Variants in PDK1 observed in about 807,000 individuals in gnomAD.
PDK1 encodes pyruvate dehydrogenase kinase 1, also known as [Pyruvate dehydrogenase (acetyl-transferring)] kinase isozyme 1, mitochondrial.
Under a neutral mutation model 54.2 loss-of-function variants are expected in PDK1, and 39 were observed. The ratio of observed to expected loss-of-function variants is 0.72; its 90% CI spans 0.56 to 0.94. The LOEUF (loss-of-function observed/expected upper bound fraction) is 0.94, where lower values mean the gene tolerates loss of function less well. PDK1 is among the 40% of genes least tolerant of loss of function. PDK1 has a pLI of 0.00. For missense variants in PDK1, 552 were observed against 566.0 expected (o/e 0.98, Z 0.25); for synonymous variants, 221 against 207.1 (o/e 1.07, Z -0.58).
the PDK1 span, among the ~76,000 whole-genome samples, chr2:172,646,658 T>C: frequency 3.3e-5 from 5 of 151,458 alleles, no homozygotes; most frequent in African/African-American, 1.2e-4. Context: ...CCTGAAGAGC[T>C]CATTAAAATG....
intron 8 of PDK1, among the ~76,000 whole-genome samples, chr2:172,579,530 T>TTC (rs1346225844): frequency 1.0e-4 from 15 of 150,100 alleles, no homozygotes; most frequent in African/African-American, 3.4e-4. Flanking sequence ...TCTTTCTTTT[T>TTC]TTTTTTTTTT....
chr2:172,563,298 G>A (rs1360826129), intron 3 of PDK1, among the ~76,000 whole-genome samples: 1 of 152,130 alleles, frequency 6.6e-6, no homozygotes, highest in Non-Finnish European at 1.5e-5. Context: ...AATAATAAAG[G>A]AGTGACTAGA....
At chr2:172,707,370 A>G in the PDK1 span, among the ~76,000 whole-genome samples, 1 of 152,086 alleles carries the variant, frequency 6.6e-6, no homozygotes, top group Admixed American at 6.6e-5. Context: ...CGGGAGTGGG[A>G]CCACAGTTTG....
chr2:172,560,997 C>T (rs1376061698), intron 2 of PDK1, among the ~76,000 whole-genome samples: 2 of 151,982 alleles, frequency 1.3e-5, no homozygotes, highest in Non-Finnish European at 2.9e-5. Flanking sequence ...TTGATCTAAT[C>T]GCAATTTAAA....
At chr2:172,574,217 C>T (rs974552612) in intron 8 of PDK1, among the ~76,000 whole-genome samples, 3 of 152,178 alleles carry the variant, frequency 2.0e-5, no homozygotes, top group African/African-American at 7.2e-5. Flanking sequence ...CCCTGTCACC[C>T]TTGTCAAAAA....
chr2:172,716,727 T>C, the PDK1 span, among the ~76,000 whole-genome samples: 1 of 152,246 alleles, frequency 6.6e-6, no homozygotes, highest in East Asian at 1.9e-4. Flanking sequence ...GATTTACTTC[T>C]ACCTGTGATA....
At chr2:172,700,373 G>C in the PDK1 span, among the ~76,000 whole-genome samples, 7,586 of 119,462 alleles carry the variant, frequency 0.064, 26 homozygotes, top group African/African-American at 0.12. Flanking sequence ...GGGTGGCGGC[G>C]GGGCAGAGAC....
chr2:172,580,234 A>G (rs1009811065), intron 8 of PDK1, among the ~76,000 whole-genome samples: 2 of 106,746 alleles, frequency 1.9e-5, no homozygotes, highest in Non-Finnish European at 3.6e-5. Context: ...ATATGAATGT[A>G]TCACTTTTTT....
At chr2:172,627,779 A>G in the PDK1 span, among the ~76,000 whole-genome samples, 3 of 152,228 alleles carry the variant, frequency 2.0e-5, no homozygotes, top group African/African-American at 4.8e-5. Flanking sequence ...TGGTTCCCCT[A>G]TACAAACCAA....
intron 8 of PDK1, among the ~76,000 whole-genome samples, chr2:172,579,279 C>T (rs966613707): frequency 6.6e-6 from 1 of 152,020 alleles, no homozygotes; most frequent in Non-Finnish European, 1.5e-5. Flanking sequence ...CTGGGGAGCT[C>T]AGAGTCAGGT....
At chr2:172,634,855 T>C in the PDK1 span, among the ~76,000 whole-genome samples, 1,721 of 152,298 alleles carry the variant, frequency 0.011, 31 homozygotes, top group African/African-American at 0.038. Context: ...ACTTTACCCT[T>C]TTTATATGAA....
intron 3 of PDK1, chr2:172,562,825 A>G (rs567441914): frequency 6.2e-7 from 1 of 1,607,508 alleles, no homozygotes; most frequent in African/African-American, 1.3e-5. Flanking sequence ...AATGTTAATA[A>G]CCCATATACC....
chr2:172,575,076 A>T (rs1689504218), intron 8 of PDK1, among the ~76,000 whole-genome samples: 1 of 152,176 alleles, frequency 6.6e-6, no homozygotes, highest in African/African-American at 2.4e-5. Context: ...TCATGAAAGG[A>T]TGTTCAATTT....
the PDK1 span, among the ~76,000 whole-genome samples, chr2:172,657,010 G>A: frequency 2.6e-5 from 4 of 152,062 alleles, no homozygotes. Flanking sequence ...GTCAATTACA[G>A]TTTGTGTTCC....
the PDK1 span, among the ~76,000 whole-genome samples, chr2:172,618,859 C>T: frequency 6.6e-6 from 1 of 152,110 alleles, no homozygotes; most frequent in Non-Finnish European, 1.5e-5. Flanking sequence ...AGAGTTGTCC[C>T]ACATTGAGGC....
At chr2:172,685,704 C>T in the PDK1 span, among the ~76,000 whole-genome samples, 1 of 152,204 alleles carries the variant, frequency 6.6e-6, no homozygotes, top group African/African-American at 2.4e-5. Flanking sequence ...ATAAATGCAC[C>T]CGATACATGT....
At chr2:172,651,650 C>T in the PDK1 span, among the ~76,000 whole-genome samples, 2 of 152,180 alleles carry the variant, frequency 1.3e-5, no homozygotes, top group African/African-American at 4.8e-5. Flanking sequence ...CCGCTGATCC[C>T]ACAGAAATAC....
chr2:172,594,855 T>A (rs1187048969), intron 10 of PDK1, among the ~76,000 whole-genome samples: 2 of 152,170 alleles, frequency 1.3e-5, no homozygotes. Context: ...CAGGTTCCAG[T>A]GACTTATAGG....
At chr2:172,622,127 CTCATATTATGTGAGATATGTTTATA>C in the PDK1 span, among the ~76,000 whole-genome samples, 174 of 119,362 alleles carry the variant, frequency 1.5e-3, 1 homozygote, top group African/African-American at 2.2e-3. Context: ...ATGTTTATAT[CTCATATTATGTGAGATATGTTTATA>C]TCATATATTA....
Sources: gnomAD v4.1 joint callset for allele counts (sites outside exome capture counted in the v4.1 genomes callset) on GRCh38, gnomAD v4.1.1 for gene constraint, MANE v1.5 for transcripts, NCBI Gene and HGNC (gene_info 2026-07-23, HGNC 2026-07-21) for gene names.